Variants in GALNT15 observed in about 807,000 individuals in gnomAD.
GALNT15 encodes the protein UDP-GalNAc transferase T15.
GALNT15 carries 67 observed loss-of-function variants against 66.8 expected under a neutral mutation model. That is an observed-to-expected ratio of 1.00 (90% CI 0.82 to 1.23). The LOEUF is 1.23. Among genes scored for constraint, GALNT15 ranks in the 50% most tolerant of loss-of-function variants. The pLI, the probability that GALNT15 is intolerant of heterozygous loss-of-function variation, is 0.00. For synonymous variants in GALNT15, 313 were observed against 311.5 expected, an observed-to-expected ratio of 1.00 and a Z score of -0.05; for missense variants, 827 against 804.3, an observed-to-expected ratio of 1.03 and a Z score of -0.34.
At chr3:16,185,314 G>A (rs2063506378) in intron 1 of GALNT15, among the ~76,000 whole-genome samples, 1 of 152,184 alleles carries the variant, frequency 6.6e-6, no homozygotes, top group Admixed American at 6.5e-5. Flanking sequence ...ATTCTTATTT[G>A]TATTCTTCAT....
the GALNT15 span, among the ~76,000 whole-genome samples, chr3:16,241,377 G>C: frequency 3.3e-5 from 5 of 152,082 alleles, no homozygotes; most frequent in African/African-American, 1.2e-4. This position sits in a 1 kb window ranked among gnomAD's most constrained non-coding sequence, Gnocchi z 4.6. Context: ...ACACTGAAGA[G>C]GTCTTATTTG....
chr3:16,204,673 G>T lies in GALNT15; in HGVS notation c.912-3830G>T, dbSNP rs1259720014. On this transcript the variant is annotated intron_variant, in intron 3 of 9. Transcript: ENST00000339732. The surrounding 1 kb of genome is among the most constrained non-coding windows in gnomAD (Gnocchi z 4.5). ...AGGGGAAAGGGACAGTCTTGAAAGG[G>T]GCTGAAAGATGATATCATCTCAAGA... is the stretch of plus-strand genomic sequence containing the variant. 6.6e-6 allele frequency among the ~76,000 whole-genome samples: 1 copy of T among 152,136 alleles called. No homozygotes were observed.
chr3:16,243,897 C>T, the GALNT15 span: 3 of 584,422 alleles, frequency 5.1e-6, no homozygotes, highest in Non-Finnish European at 6.5e-6. Context: ...CACTCCACCA[C>T]AGCCACAGAT....
intron 1 of GALNT15, among the ~76,000 whole-genome samples, chr3:16,179,875 C>G (rs780668817): frequency 1.3e-5 from 2 of 152,106 alleles, no homozygotes; most frequent in Admixed American, 6.5e-5. Flanking sequence ...TTAACTCAGC[C>G]CTTCAAAGCT....
intron 4 of GALNT15, among the ~76,000 whole-genome samples, chr3:16,210,689 G>T (rs988270174): frequency 2.6e-5 from 4 of 152,200 alleles, no homozygotes; most frequent in African/African-American, 9.6e-5. Context: ...AGGGTGGATG[G>T]TCATTAGGAA....
chr3:16,185,535 G>A (rs531500092), intron 1 of GALNT15, among the ~76,000 whole-genome samples: 5 of 152,308 alleles, frequency 3.3e-5, no homozygotes, highest in Non-Finnish European at 7.4e-5. Context: ...TGACAAGCAC[G>A]ACTCCCTGTA....
In GALNT15 at chr3:16,187,462, G is replaced by A. The variant is rs1186734361; in HGVS notation, c.540-8298G>A. 6.6e-6 allele frequency among the ~76,000 whole-genome samples: 1 copy of A among 152,114 alleles called. No homozygotes were observed. The highest frequency in any genetic ancestry group is 1.5e-5 in the Non-Finnish European group (1 of 68,028). ...GGCAGCTGATGCTGGTCCTCAGCTGGGGCACTTTAGTTTTTCTTCAAGCAG... is the reference window on the plus strand; with the variant it reads ...GGCAGCTGATGCTGGTCCTCAGCTGAGGCACTTTAGTTTTTCTTCAAGCAG... On this transcript the variant is annotated intron_variant, in intron 1 of 9. Transcript: ENST00000339732. This position sits in a 1 kb window ranked among gnomAD's most constrained non-coding sequence, Gnocchi z 5.1.
At chr3:16,192,246 T>C (rs575392543) in intron 1 of GALNT15, among the ~76,000 whole-genome samples, 3 of 152,306 alleles carry the variant, frequency 2.0e-5, no homozygotes, top group Non-Finnish European at 2.9e-5. Flanking sequence ...ACTTGTGTTG[T>C]TTCCAATTCT....
chr3:16,246,321 GTTTTTTTT>G, the GALNT15 span, among the ~76,000 whole-genome samples: 1 of 85,274 alleles, frequency 1.2e-5, no homozygotes, highest in African/African-American at 4.8e-5. Flanking sequence ...TTTGAAAGTG[GTTTTTTTT>G]TTTTTTTTTT....
intron 3 of GALNT15, among the ~76,000 whole-genome samples, chr3:16,201,912 C>G (rs933377722): frequency 2.6e-5 from 4 of 152,202 alleles, no homozygotes; most frequent in Admixed American, 2.6e-4. Context: ...CCACTTGGAG[C>G]TCATGTAGGC....
chr3:16,213,894 C>T (rs1035696927), intron 6 of GALNT15, among the ~76,000 whole-genome samples: 3 of 152,232 alleles, frequency 2.0e-5, no homozygotes, highest in Admixed American at 1.3e-4. Context: ...ATTCTAGATC[C>T]AATCCTTTCC....
In GALNT15 at chr3:16,181,747, G is replaced by A. The variant is rs1451267484; in HGVS notation, c.539+6057G>A. 6.6e-6 allele frequency among the ~76,000 whole-genome samples: 1 copy of A among 152,176 alleles called. No homozygotes were observed. Among genetic ancestry groups the A allele is most frequent in the Non-Finnish European group, 1.5e-5 (1 of 68,036 alleles). On this transcript the variant is annotated intron_variant, in intron 1 of 9. Transcript: ENST00000339732. This position sits in a 1 kb window ranked among gnomAD's most constrained non-coding sequence, Gnocchi z 5.9. ...AGGAACAAGCTGGGCTTGAGACCTG[G>A]GGCTGGAACTTAGCTCAATTCCCCC...
chr3:16,198,127 T>C (rs9864739), intron 2 of GALNT15, among the ~76,000 whole-genome samples: 2,819 of 142,168 alleles, frequency 0.02, 503 homozygotes, highest in African/African-American at 0.069. Context: ...TTTTTCCTTA[T>C]AGTATAGAAA....
rs1309193351 is a variant in GALNT15 at position 16,222,642 on chromosome 3, A to G, written c.1657A>G (p.Ile553Val). 1.2e-6 allele frequency: 2 copies of G among 1,614,180 alleles called. No individual in the cohort carries two copies. Among genetic ancestry groups the G allele is most frequent in the Middle Eastern group, 1.6e-4 (1 of 6,062 alleles). ...QYLQHTSRKE[I>V]HFGSPQHLCF... is the part of the protein sequence containing the mutation. ...CCTGCAGCACACCAGCAGGAAGGAG[A>G]TTCACTTTGGCAGCCCACAGCACCT... Residue 553 changes from isoleucine to valine, a missense_variant, in exon 9 of 10, where the codon ATT becomes GTT. Physicochemically the swap from Ile to Val is conservative, Grantham distance 29. Coordinates refer to ENST00000339732, the MANE Select transcript of GALNT15 (RefSeq NM_054110.5).
rs1458411764 is a variant in GALNT15 at position 16,184,742 on chromosome 3, T to C, written c.539+9052T>C. 6.6e-6 allele frequency among the ~76,000 whole-genome samples: 1 copy of C among 152,188 alleles called. No individual in the cohort carries two copies. The highest frequency in any genetic ancestry group is 2.4e-5 in the African/African-American group (1 of 41,432). On this transcript the variant is annotated intron_variant, in intron 1 of 9. Transcript: ENST00000339732. The surrounding 1 kb of genome is among the most constrained non-coding windows in gnomAD (Gnocchi z 5.0). ...GGGGCTCAGGAAAGCGGAGCAGAGA[T>C]GCCTGAGAGAGGCATGTGTTCAAGG...
chr3:16,244,580 C>T, the GALNT15 span, among the ~76,000 whole-genome samples: 1 of 152,244 alleles, frequency 6.6e-6, no homozygotes, highest in Non-Finnish European at 1.5e-5. Flanking sequence ...AGTTGGGGTA[C>T]ACACTAGAGA....
intron 3 of GALNT15, among the ~76,000 whole-genome samples, chr3:16,201,358 T>A (rs369799576): frequency 1.3e-4 from 19 of 151,922 alleles, no homozygotes; most frequent in African/African-American, 3.6e-4. Context: ...ATTTTTTGTA[T>A]TTTTAGTAGA....
At chr3:16,185,768 T>C (rs1246564012) in intron 1 of GALNT15, among the ~76,000 whole-genome samples, 4 of 151,802 alleles carry the variant, frequency 2.6e-5, no homozygotes, top group East Asian at 3.9e-4. Context: ...GATAGATAGA[T>C]AGATAGATAG....
chr3:16,223,439 G>A (rs1343392148), intron 9 of GALNT15, among the ~76,000 whole-genome samples: 2 of 151,956 alleles, frequency 1.3e-5, no homozygotes, highest in Non-Finnish European at 2.9e-5. Flanking sequence ...AAATGAGTTG[G>A]GGTATTAACA....
Sources: gnomAD v4.1 joint callset for allele counts (sites outside exome capture counted in the v4.1 genomes callset) on GRCh38, gnomAD v4.1.1 for gene constraint, Gnocchi (gnomAD v3.1) non-coding constraint, MANE v1.5 for transcripts, NCBI Gene and HGNC (gene_info 2026-07-23, HGNC 2026-07-21) for gene names.